The following EPHA3 variants were observed in gnomAD, a reference collection of about 807,000 sequenced individuals.
EPHA3 encodes EPH receptor A3.
A neutral mutation model predicts 107.1 loss-of-function variants in EPHA3; 42 were observed. The ratio of observed to expected loss-of-function variants is 0.39; its 90% CI spans 0.31 to 0.51. EPHA3 has a LOEUF of 0.51. EPHA3 is among the 20% of genes least tolerant of loss of function. EPHA3 has a pLI of 0.78. For synonymous variants in EPHA3, 461 were observed against 424.8 expected (o/e 1.09, Z -1.05); for missense variants, 1,183 against 1,211.2 (o/e 0.98, Z 0.35).
intron 1 of EPHA3, among the ~76,000 whole-genome samples, chr3:89,124,688 G>A (rs73845983): frequency 0.011 from 1,655 of 152,056 alleles, 33 homozygotes; most frequent in African/African-American, 0.037. Context: ...TAAACTCATG[G>A]TGGATTTAAA....
chr3:89,157,139 C>A (rs1478116702), intron 2 of EPHA3, among the ~76,000 whole-genome samples: 8 of 152,028 alleles, frequency 5.3e-5, no homozygotes, highest in African/African-American at 1.9e-4. Context: ...AAGGTTTGTA[C>A]TGGGAAAGAA....
Position 89,210,090 on chromosome 3 carries a change from T to A in EPHA3, c.384T>A (p.Asp128Glu). Residue 128 changes from aspartate (D) to glutamate (E), a missense_variant, in exon 3 of 17, where the codon GAT becomes GAA. Transcript: ENST00000336596. ...TCAACCTGTACTACATGGAGTCTGATGATGATCATGGGGTGAAATTTCGAG... is the reference window on the plus strand; with the variant it reads ...TCAACCTGTACTACATGGAGTCTGAAGATGATCATGGGGTGAAATTTCGAG... ...ETFNLYYMES[D>E]DDHGVKFREH... 1 of 1,614,068 alleles carries A rather than the reference T, an allele frequency of 6.2e-7. No homozygotes were observed. The highest frequency in any genetic ancestry group is 1.1e-5 in the South Asian group (1 of 91,080).
rs116163432 is a variant in EPHA3, at chr3:89,399,675, C to T, written c.1594+195C>T. 2,522 of 1,247,800 alleles carry T rather than the reference C, an allele frequency of 2.0e-3. 38 individuals are homozygous for T. In the African/African-American group the frequency reaches 0.036, roughly 18 times the overall value. The allele number at this position is 1,247,800 out of a possible 1,614,324, so 77.3% of individuals were successfully genotyped here. ...TTGTGTGGGTGTACATTTTGTGTTT[C>T]TTTTTTTCTTGTATGCAAATCAAAC... On this transcript the variant is annotated intron_variant, in intron 7 of 16. Transcript: ENST00000336596.
chr3:89,317,923 T>G (rs2107373675), intron 3 of EPHA3, among the ~76,000 whole-genome samples: 1 of 151,958 alleles, frequency 6.6e-6, no homozygotes, highest in East Asian at 1.9e-4. Flanking sequence ...GTTAAAATAT[T>G]GTCTTTTCTC....
At chr3:89,320,546 A>G (rs1373125514) in intron 3 of EPHA3, among the ~76,000 whole-genome samples, 2 of 152,008 alleles carry the variant, frequency 1.3e-5, no homozygotes, top group Non-Finnish European at 2.9e-5. Flanking sequence ...AAATAGATGA[A>G]GAACTCTATT....
intron 3 of EPHA3, among the ~76,000 whole-genome samples, chr3:89,241,533 A>G (rs2107244724): frequency 6.6e-6 from 1 of 152,248 alleles, no homozygotes; most frequent in African/African-American, 2.4e-5. Context: ...TATTAATTCC[A>G]CTACCATTAC....
intron 3 of EPHA3, among the ~76,000 whole-genome samples, chr3:89,274,229 T>C (rs78981254): frequency 0.032 from 4,923 of 152,080 alleles, 101 homozygotes; most frequent in East Asian, 0.047. Context: ...TCCCACTTTG[T>C]ACCAGCCTCA....
chr3:89,127,377 G>T, intron 2 of EPHA3, 104 bp downstream of exon 2: 1 of 850,062 alleles, frequency 1.2e-6, no homozygotes, highest in South Asian at 1.6e-5. Flanking sequence ...TACTTCTGGT[G>T]ACAAATTATA....
rs567052988 is a variant in EPHA3, at chr3:89,227,428, A to G, written c.814+16908A>G. 2.6e-5 allele frequency among the ~76,000 whole-genome samples: 4 copies of G among 152,154 alleles called. No individual in the cohort carries two copies. In the South Asian group the frequency reaches 8.3e-4, roughly 32 times the overall value. Reference sequence around the variant, plus strand: ...CTTGCAGGTCTCTAATCCCTCATGGATGAATCATGCATTTCCTGTGTATTT... The same window carrying G: ...CTTGCAGGTCTCTAATCCCTCATGGGTGAATCATGCATTTCCTGTGTATTT... On this transcript the variant is annotated intron_variant, in intron 3 of 16. Transcript: ENST00000336596.
intron 9 of EPHA3, among the ~76,000 whole-genome samples, chr3:89,409,101 G>C (rs1019913558): frequency 6.6e-6 from 1 of 152,024 alleles, no homozygotes; most frequent in African/African-American, 2.4e-5. Context: ...AATATAAATT[G>C]ATATGAGAAG....
chr3:89,202,754 T>C (rs919964404), intron 2 of EPHA3, among the ~76,000 whole-genome samples: 1 of 151,980 alleles, frequency 6.6e-6, no homozygotes, highest in Non-Finnish European at 1.5e-5. Flanking sequence ...AATAGTAGCA[T>C]GTCTAAAATC....
At chr3:89,257,157 T>G (rs572300081) in intron 3 of EPHA3, among the ~76,000 whole-genome samples, 2 of 152,182 alleles carry the variant, frequency 1.3e-5, no homozygotes, top group Non-Finnish European at 2.9e-5. Context: ...CTTCTCTTAT[T>G]GCACCTCCTT....
chr3:89,304,726 G>A (rs1232307615), intron 3 of EPHA3, among the ~76,000 whole-genome samples: 1 of 151,960 alleles, frequency 6.6e-6, no homozygotes, highest in Non-Finnish European at 1.5e-5. Context: ...AATGTAATAT[G>A]CATATTTATT....
rs1397249221 is a variant in EPHA3 at position 89,450,195 on chromosome 3, G to A, written c.2515G>A (p.Glu839Lys). Residue 839 changes from glutamate (E) to lysine (K), a missense_variant, in exon 15 of 17, where the codon GAG (glutamate) becomes AAG (lysine). Physicochemically the swap from Glu to Lys is moderately conservative, Grantham distance 56. Coordinates refer to ENST00000336596, the MANE Select transcript of EPHA3 (RefSeq NM_005233.6). ...CACACAGGTAATTAAAGCTGTAGAT[G>A]AGGGCTATCGACTGCCACCCCCCAT... is the stretch of plus-strand genomic sequence containing the variant. The part of the protein sequence containing the change: ...SNQDVIKAVD[E>K]GYRLPPPMDC... 2 of 1,600,760 alleles carry A rather than the reference G, an allele frequency of 1.2e-6. No individual in the cohort carries two copies. The highest frequency in any genetic ancestry group is 1.7e-6 in the Non-Finnish European group (2 of 1,173,622).
intron 11 of EPHA3, among the ~76,000 whole-genome samples, chr3:89,427,791 G>C (rs1277604303): frequency 6.6e-6 from 1 of 151,782 alleles, no homozygotes; most frequent in African/African-American, 2.4e-5. Context: ...GCATAAGTAA[G>C]CTGTGAGGAT....
At chr3:89,205,620 A>C (rs1251210095) in intron 2 of EPHA3, among the ~76,000 whole-genome samples, 1 of 152,160 alleles carries the variant, frequency 6.6e-6, no homozygotes, top group Non-Finnish European at 1.5e-5. Context: ...TAAATATCAG[A>C]ATTGTTTATT....
rs796469209 is a variant in EPHA3, at chr3:89,111,199, T to G, written c.88+3363T>G. Among the ~76,000 whole-genome samples, 27 of 152,188 alleles carry G rather than the reference T, an allele frequency of 1.8e-4. No homozygotes were observed. In the East Asian group the frequency reaches 4.6e-3, roughly 26 times the overall value. Reference sequence around the variant, plus strand: ...AAAACTTAAAAGTAAAACTTGCATATGAATATTATAAGCTTCCCTTTGAGT... The same window carrying G: ...AAAACTTAAAAGTAAAACTTGCATAGGAATATTATAAGCTTCCCTTTGAGT... On this transcript the variant is annotated intron_variant, in intron 1 of 16. Transcript: ENST00000336596.
chr3:89,124,148 C>G (rs1704036876), intron 1 of EPHA3, among the ~76,000 whole-genome samples: 1 of 152,286 alleles, frequency 6.6e-6, no homozygotes, highest in Non-Finnish European at 1.5e-5. Flanking sequence ...ATTAGCCTAT[C>G]CTGTCTGTCC....
chr3:89,312,072 A>G (rs1219828790), intron 3 of EPHA3, among the ~76,000 whole-genome samples: 1 of 152,058 alleles, frequency 6.6e-6, no homozygotes, highest in Non-Finnish European at 1.5e-5. Context: ...ATAGTTTATC[A>G]AATCTTTGCA....
Sources: gnomAD v4.1 joint callset for allele counts (sites outside exome capture counted in the v4.1 genomes callset) on GRCh38, gnomAD v4.1.1 for gene constraint, MANE v1.5 for transcripts, NCBI Gene and HGNC (gene_info 2026-07-23, HGNC 2026-07-21) for gene names.